The following ARFIP1 variants were observed in gnomAD, a reference collection of about 807,000 sequenced individuals.
ARFIP1 encodes arfaptin-1.
ARFIP1 carries 24 observed loss-of-function variants against 42.5 expected under a neutral mutation model. The ratio of observed to expected loss-of-function variants is 0.57; its 90% CI spans 0.41 to 0.80. The LOEUF (loss-of-function observed/expected upper bound fraction) is 0.80. Among genes scored for constraint, ARFIP1 ranks in the 30% least tolerant of loss-of-function variants. ARFIP1 has a pLI of 0.00. For missense variants in ARFIP1, 354 were observed against 434.0 expected (o/e 0.82, Z 1.64); for synonymous variants, 141 against 153.7 (o/e 0.92, Z 0.61).
chr4:152,846,279 A>G (rs996975422), intron 2 of ARFIP1, among the ~76,000 whole-genome samples: 28 of 152,298 alleles, frequency 1.8e-4, no homozygotes, highest in East Asian at 9.6e-4. Context: ...GACAGTATCA[A>G]TGGTACCCCA....
chr4:152,840,560 G>A (rs1378573640), intron 2 of ARFIP1, among the ~76,000 whole-genome samples: 1 of 152,128 alleles, frequency 6.6e-6, no homozygotes, highest in Non-Finnish European at 1.5e-5. Context: ...TCTGATGTAA[G>A]AATAGCTATC....
At chr4:152,880,620 T>G (rs1315065561) in intron 5 of ARFIP1, among the ~76,000 whole-genome samples, 3 of 152,210 alleles carry the variant, frequency 2.0e-5, no homozygotes, top group Admixed American at 2.0e-4. Context: ...TTGGTGTTCT[T>G]ATTATTCCTA....
chr4:152,843,930 A>G (rs1732324127), intron 2 of ARFIP1, among the ~76,000 whole-genome samples: 1 of 152,190 alleles, frequency 6.6e-6, no homozygotes. Context: ...ACTTGTGGCC[A>G]GGAGGCTTCT....
At chr4:152,847,656 A>G (rs752683968) in intron 2 of ARFIP1, among the ~76,000 whole-genome samples, 9 of 152,172 alleles carry the variant, frequency 5.9e-5, no homozygotes, top group Non-Finnish European at 1.0e-4. Context: ...AAATAATTCA[A>G]ATTACTCTGA....
chr4:152,876,001 C>G (rs1248217465), intron 5 of ARFIP1, among the ~76,000 whole-genome samples: 1 of 152,124 alleles, frequency 6.6e-6, no homozygotes, highest in East Asian at 1.9e-4. Flanking sequence ...TCGCCTCCTG[C>G]CATGATTCTG....
intron 8 of ARFIP1, among the ~76,000 whole-genome samples, chr4:152,900,960 CAT>C (rs1451482982): frequency 1.3e-5 from 2 of 152,194 alleles, no homozygotes; most frequent in African/African-American, 2.4e-5. Flanking sequence ...ACTTAACAAT[CAT>C]AAATATTAGG....
intron 5 of ARFIP1, among the ~76,000 whole-genome samples, chr4:152,876,322 A>G (rs1171695794): frequency 6.6e-6 from 1 of 152,058 alleles, no homozygotes; most frequent in Non-Finnish European, 1.5e-5. Flanking sequence ...TCCAGGCTGA[A>G]TAACTTATTG....
At chr4:152,904,817 C>T (rs1363825313) in intron 8 of ARFIP1, among the ~76,000 whole-genome samples, 1 of 152,000 alleles carries the variant, frequency 6.6e-6, no homozygotes, top group Non-Finnish European at 1.5e-5. Context: ...GGGTTGATTC[C>T]ATGTCTTCAC....
intron 1 of ARFIP1, among the ~76,000 whole-genome samples, chr4:152,793,403 C>T (rs1282875058): frequency 6.6e-6 from 1 of 150,554 alleles, no homozygotes; most frequent in Non-Finnish European, 1.5e-5. Flanking sequence ...TTATGTTTCT[C>T]TATCTGCCTT....
intron 5 of ARFIP1, among the ~76,000 whole-genome samples, chr4:152,877,596 ATGGT>A (rs1446767610): frequency 6.6e-6 from 1 of 152,080 alleles, no homozygotes; most frequent in African/African-American, 2.4e-5. Flanking sequence ...TTGGGAAGGC[ATGGT>A]TGGTTTTGAA....
chr4:152,890,629 G>A (rs1476180365), intron 8 of ARFIP1, among the ~76,000 whole-genome samples: 1 of 152,146 alleles, frequency 6.6e-6, no homozygotes, highest in African/African-American at 2.4e-5. Context: ...AAACTAAAAT[G>A]GGAAGCTGGT....
intron 4 of ARFIP1, 141 bp from the exon 5 acceptor site, chr4:152,872,311 G>A (rs976032930): frequency 2.6e-5 from 16 of 604,814 alleles, no homozygotes; most frequent in Non-Finnish European, 4.6e-5. Flanking sequence ...ATTCCAGGAA[G>A]TTCTAGTTCT....
At chr4:152,908,042 AG>A (rs1420606157) in intron 8 of ARFIP1, among the ~76,000 whole-genome samples, 4 of 152,156 alleles carry the variant, frequency 2.6e-5, no homozygotes, top group African/African-American at 9.7e-5. Context: ...CTTAATGTGG[AG>A]GGTATAAAGT....
At chr4:152,853,905 C>CTTTTTTTTTTTTTTTTTTT (rs36055484) in intron 2 of ARFIP1, among the ~76,000 whole-genome samples, 1 of 74,740 alleles carries the variant, frequency 1.3e-5, no homozygotes, top group African/African-American at 5.5e-5. Context: ...TTCTGAGATT[C>CTTTTTTTTTTTTTTTTTTT]TTTTTTTTTT....
intron 2 of ARFIP1, among the ~76,000 whole-genome samples, chr4:152,849,398 A>C (rs774539778): frequency 2.0e-4 from 31 of 152,204 alleles, no homozygotes; most frequent in Non-Finnish European, 4.1e-4. Flanking sequence ...GCTATTAGGA[A>C]TATGTCGTTT....
intron 8 of ARFIP1, among the ~76,000 whole-genome samples, chr4:152,898,752 G>A (rs1320373811): frequency 6.6e-6 from 1 of 152,170 alleles, no homozygotes; most frequent in African/African-American, 2.4e-5. Flanking sequence ...CACAAGAATG[G>A]GTAACATGTG....
At chr4:152,817,089 G>A (rs1729954513) in intron 1 of ARFIP1, among the ~76,000 whole-genome samples, 1 of 152,248 alleles carries the variant, frequency 6.6e-6, no homozygotes, top group Admixed American at 6.5e-5. Flanking sequence ...GCCCACAATA[G>A]TAGGTATATA....
chr4:152,829,398 T>TA (rs1305117372), intron 1 of ARFIP1, among the ~76,000 whole-genome samples: 1 of 152,212 alleles, frequency 6.6e-6, no homozygotes, highest in Non-Finnish European at 1.5e-5. Context: ...CTCTGGTACC[T>TA]ACAACAAATA....
chr4:152,812,270 C>T (rs1417297545), intron 1 of ARFIP1, among the ~76,000 whole-genome samples: 2 of 152,228 alleles, frequency 1.3e-5, no homozygotes, highest in Non-Finnish European at 2.9e-5. Flanking sequence ...TCATGGCTCA[C>T]GGCAACTGTG....
Sources: gnomAD v4.1 joint callset for allele counts (sites outside exome capture counted in the v4.1 genomes callset) on GRCh38, gnomAD v4.1.1 for gene constraint, MANE v1.5 for transcripts, NCBI Gene and HGNC (gene_info 2026-07-23, HGNC 2026-07-21) for gene names.